Variants in MAML3 observed in about 807,000 individuals in gnomAD.
The protein encoded by MAML3 is mastermind like transcriptional coactivator 3, also known as mastermind-like protein 3.
A neutral mutation model predicts 101.9 loss-of-function variants in MAML3; 27 were observed. That is an observed-to-expected ratio of 0.27 (90% CI 0.20 to 0.37). The LOEUF is 0.37. Ranked by LOEUF, MAML3 falls within the 10% of genes least tolerant of loss-of-function variation. The pLI, the probability that MAML3 is intolerant of heterozygous loss-of-function variation, is 1.00. For missense variants in MAML3, 1,316 were observed against 1,444.9 expected, an observed-to-expected ratio of 0.91 and a Z score of 1.45; for synonymous variants, 501 against 555.9, an observed-to-expected ratio of 0.90 and a Z score of 1.39.
At chr4:140,092,122 A>G (rs1299936745) in intron 1 of MAML3, among the ~76,000 whole-genome samples, 3 of 145,338 alleles carry the variant, frequency 2.1e-5, no homozygotes, top group African/African-American at 5.1e-5. Context: ...ATATATACGT[A>G]TATATATATA....
chr4:139,790,006 T>C (rs1016324781), intron 2 of MAML3, among the ~76,000 whole-genome samples: 5 of 151,894 alleles, frequency 3.3e-5, no homozygotes, highest in Admixed American at 3.3e-4. Flanking sequence ...TGTAGGACAT[T>C]CAGACCTTGT....
rs567451352 is a variant in MAML3 at position 140,035,593 on chromosome 4, A to G, written c.468+117267T>C. 9.2e-5 allele frequency among the ~76,000 whole-genome samples: 14 copies of G among 152,192 alleles called. No individual in the cohort carries two copies. The South Asian group carries it at 2.9e-3, about 31-fold the overall frequency. ...AGGTAGATCACGAGGTCAGGAGATC[A>G]AGACCATCCTGGCTAACACAGTGAA... On this transcript the variant is annotated intron_variant, in intron 1 of 4. Transcript: ENST00000509479.
intron 2 of MAML3, among the ~76,000 whole-genome samples, chr4:139,884,341 A>G (rs1000425837): frequency 1.3e-5 from 2 of 152,244 alleles, no homozygotes; most frequent in African/African-American, 4.8e-5. Flanking sequence ...ATTGAAAGTG[A>G]AAAACATTCT....
chr4:139,882,341 A>G (rs1257092401), intron 2 of MAML3, among the ~76,000 whole-genome samples: 1 of 152,082 alleles, frequency 6.6e-6, no homozygotes, highest in Admixed American at 6.6e-5. Flanking sequence ...TAAAAAGTGC[A>G]TAGTACTAGA....
intron 2 of MAML3, among the ~76,000 whole-genome samples, chr4:139,739,866 G>A (rs1320222267): frequency 1.3e-5 from 2 of 151,788 alleles, no homozygotes; most frequent in South Asian, 2.1e-4. Flanking sequence ...ATTTTTAAAA[G>A]CTTGTTAAGA....
intron 2 of MAML3, among the ~76,000 whole-genome samples, chr4:139,782,634 C>A (rs1730238520): frequency 6.6e-6 from 1 of 152,174 alleles, no homozygotes; most frequent in African/African-American, 2.4e-5. Context: ...CTTCCTGGTG[C>A]CCCTTTTGGT....
chr4:139,883,609 A>G (rs1160205746), intron 2 of MAML3, among the ~76,000 whole-genome samples: 1 of 152,156 alleles, frequency 6.6e-6, no homozygotes, highest in African/African-American at 2.4e-5. Flanking sequence ...TGCACCCCCC[A>G]TCTTCTGTAG....
chr4:139,791,054 C>T (rs1730399520), intron 2 of MAML3, among the ~76,000 whole-genome samples: 1 of 152,136 alleles, frequency 6.6e-6, no homozygotes, highest in Admixed American at 6.5e-5. Context: ...TTAAGTTAGG[C>T]TTAAAGATAA....
At chr4:139,848,660 A>C (rs982557436) in intron 2 of MAML3, among the ~76,000 whole-genome samples, 1 of 152,240 alleles carries the variant, frequency 6.6e-6, no homozygotes, top group African/African-American at 2.4e-5. Flanking sequence ...TTGACCATTA[A>C]AAAATTCTTG....
intron 1 of MAML3, among the ~76,000 whole-genome samples, chr4:140,002,508 T>C (rs13150052): frequency 0.038 from 5,759 of 152,314 alleles, 169 homozygotes; most frequent in Non-Finnish European, 0.054. Flanking sequence ...CAACTTTCTA[T>C]CAAATTTATT....
chr4:139,863,429 C>T (rs1257902018), intron 2 of MAML3, among the ~76,000 whole-genome samples: 1 of 148,580 alleles, frequency 6.7e-6, no homozygotes, highest in African/African-American at 2.5e-5. Flanking sequence ...TGGCTCACGA[C>T]AACCTGCACC....
intron 1 of MAML3, among the ~76,000 whole-genome samples, chr4:139,903,321 C>T (rs1177944133): frequency 3.9e-5 from 6 of 152,178 alleles, no homozygotes; most frequent in Admixed American, 6.5e-5. Flanking sequence ...TCTTCCAGGA[C>T]TTTATTCTTG....
At chr4:139,905,818 T>C (rs1732814148) in intron 1 of MAML3, among the ~76,000 whole-genome samples, 1 of 152,142 alleles carries the variant, frequency 6.6e-6, no homozygotes, top group African/African-American at 2.4e-5. Flanking sequence ...TAGATAATAG[T>C]CATCTTCAGT....
intron 2 of MAML3, among the ~76,000 whole-genome samples, chr4:139,865,491 TTTTTG>T (rs1445049269): frequency 2.0e-5 from 2 of 101,056 alleles, no homozygotes; most frequent in African/African-American, 1.4e-4. Flanking sequence ...AAAGGTTTTT[TTTTTG>T]TTTTTTTTTT....
At chr4:139,901,571 TG>T (rs1470740900) in intron 1 of MAML3, among the ~76,000 whole-genome samples, 1 of 152,198 alleles carries the variant, frequency 6.6e-6, no homozygotes, top group Non-Finnish European at 1.5e-5. Context: ...TATTTAGAGC[TG>T]TAAAGAAATG....
chr4:139,914,027 C>T (rs538706878), intron 1 of MAML3, among the ~76,000 whole-genome samples: 1 of 152,024 alleles, frequency 6.6e-6, no homozygotes, highest in African/African-American at 2.4e-5. Context: ...AGAAAGTATC[C>T]AGTAACAAAT....
chr4:140,045,805 AG>A (rs1727173856), intron 1 of MAML3, among the ~76,000 whole-genome samples: 1 of 152,202 alleles, frequency 6.6e-6, no homozygotes, highest in African/African-American at 2.4e-5. Flanking sequence ...GAGCCTCTGA[AG>A]TATTGGTAAG....
At chr4:139,922,956 G>T (rs796801075) in intron 1 of MAML3, among the ~76,000 whole-genome samples, 1 of 152,178 alleles carries the variant, frequency 6.6e-6, no homozygotes, top group African/African-American at 2.4e-5. Flanking sequence ...GTGCTTGCAG[G>T]GGTGCCGGGT....
At chr4:139,950,240 C>G (rs1733809469) in intron 1 of MAML3, among the ~76,000 whole-genome samples, 1 of 152,080 alleles carries the variant, frequency 6.6e-6, no homozygotes, top group African/African-American at 2.4e-5. Flanking sequence ...CGGGGTTTCA[C>G]CATGCTGGCC....
Sources: allele counts gnomAD v4.1 joint callset (sites outside exome capture counted in the v4.1 genomes callset), GRCh38; gene constraint gnomAD v4.1.1; transcripts MANE v1.5; gene names NCBI Gene and HGNC (gene_info 2026-07-23, HGNC 2026-07-21).